SP4: variants seen among roughly 807,000 people sequenced by gnomAD.
SP4 encodes transcription factor Sp4.
SP4 carries 19 observed loss-of-function variants against 72.8 expected under a neutral mutation model. The ratio of observed to expected loss-of-function variants is 0.26; its 90% CI spans 0.18 to 0.38. SP4 has a LOEUF of 0.38. Among genes scored for constraint, SP4 ranks in the 10% least tolerant of loss-of-function variants. The pLI, the probability that SP4 is intolerant of heterozygous loss-of-function variation, is 1.00. For synonymous variants in SP4, 395 were observed against 333.1 expected (o/e 1.19, Z -2.02); for missense variants, 1,008 against 926.3 (o/e 1.09, Z -1.14).
At chr7:21,428,295 CCTCCCTCT>C in intron 1 of SP4, 37 bp downstream of exon 1, 16 of 1,267,924 alleles carry the variant, frequency 1.3e-5, no homozygotes, top group Non-Finnish European at 1.7e-5. Flanking sequence ...TCCTTCGCCG[CCTCCCTCT>C]CTCCCTCCCT....
rs545671767 is a variant in SP4 at position 21,511,845 on chromosome 7, C to T, written c.*576C>T. Reference sequence around the variant, plus strand: ...AGTTCCAAAACAGTAATCTGAGATGCATCTCAGATCTTTATTACCACTACA... The same window carrying T: ...AGTTCCAAAACAGTAATCTGAGATGTATCTCAGATCTTTATTACCACTACA... On this transcript the variant is annotated 3_prime_UTR_variant, in exon 6 of 6. Transcript: ENST00000222584. 6.5e-6 allele frequency: 1 copy of T among 154,200 alleles called. No individual in the cohort carries two copies. The highest frequency in any genetic ancestry group is 1.9e-4 in the East Asian group (1 of 5,186). 9.6% of individuals were successfully genotyped at this position (154,200 alleles called of 1,614,324 possible). A position where few individuals can be genotyped will look rare whatever the true frequency, so the allele number is the denominator to read the frequency against.
At chr7:21,460,909 C>T (rs1397822569) in intron 3 of SP4, among the ~76,000 whole-genome samples, 2 of 151,834 alleles carry the variant, frequency 1.3e-5, no homozygotes, top group Non-Finnish European at 2.9e-5. Context: ...TTGGTGCATT[C>T]ACAATCCCTT....
Position 21,511,043 on chromosome 7 carries a change from C to T in SP4, c.2129C>T (p.Pro710Leu), listed in dbSNP as rs754709044. ...THTGEKRFEC[P>L]ECSKRFMRSD... Reference sequence around the variant, plus strand: ...GTAGGTGAAAAGAGATTTGAATGCCCGGAATGTTCTAAAAGGTTTATGCGG... The same window carrying T: ...GTAGGTGAAAAGAGATTTGAATGCCTGGAATGTTCTAAAAGGTTTATGCGG... The change falls in exon 6 of 6, where the codon CCG becomes CTG. Residue 710 changes from proline (P) to leucine (L), a missense_variant. Physicochemically the swap from Pro to Leu is moderately conservative, Grantham distance 98. Transcript: ENST00000222584. The T allele has an allele frequency of 1.1e-5, 17 of 1,609,202 alleles. No homozygotes were observed. Among genetic ancestry groups the T allele is most frequent in the Non-Finnish European group, 1.3e-5 (15 of 1,176,408 alleles).
Position 21,429,441 on chromosome 7 carries a change from G to T in SP4, c.276G>T (p.Leu92=). 1 of 1,614,150 alleles carries T rather than the reference G, an allele frequency of 6.2e-7. No homozygotes were observed. The highest frequency in any genetic ancestry group is 1.6e-4 in the Middle Eastern group (1 of 6,062). The change falls in exon 3 of 6, where the codon CTG becomes CTT. Residue 92 remains leucine (L), a synonymous_variant. Coordinates refer to ENST00000222584, the MANE Select transcript of SP4 (RefSeq NM_003112.5). ...QLQNQPQQLE[L]VTTQLAGNAW... is the part of the protein sequence containing the mutation. ...AAAATCAACCACAACAGCTAGAACT[G>T]GTAACAACGCAACTTGCTGGAAACG...
intron 4 of SP4, 95 bp from the exon 5 acceptor site, chr7:21,481,829 G>A (rs1033119409): frequency 4.6e-6 from 4 of 864,232 alleles, no homozygotes; most frequent in South Asian, 1.6e-5. Flanking sequence ...ATTCAGAGAA[G>A]CATCATTTAA....
At chr7:21,443,784 A>G (rs1458923600) in intron 3 of SP4, among the ~76,000 whole-genome samples, 1 of 152,234 alleles carries the variant, frequency 6.6e-6, no homozygotes, top group African/African-American at 2.4e-5. Flanking sequence ...GATGACAAGT[A>G]CTAACGGGAT....
chr7:21,472,197 C>A (rs1052057285), intron 3 of SP4, among the ~76,000 whole-genome samples: 1 of 152,100 alleles, frequency 6.6e-6, no homozygotes, highest in Non-Finnish European at 1.5e-5. Flanking sequence ...AGATGAGGTC[C>A]CCCAAGAAGA....
At chr7:21,437,674 T>A (rs1783092232) in intron 3 of SP4, among the ~76,000 whole-genome samples, 1 of 152,172 alleles carries the variant, frequency 6.6e-6, no homozygotes, top group Non-Finnish European at 1.5e-5. Context: ...GATCCTCTCC[T>A]TAAGATGGAG....
chr7:21,431,564 A>C (rs1317210266), intron 3 of SP4, among the ~76,000 whole-genome samples: 4 of 152,242 alleles, frequency 2.6e-5, no homozygotes, highest in Non-Finnish European at 5.9e-5. Flanking sequence ...TTGACAGTAA[A>C]ATGTCACTAA....
At chr7:21,455,392 T>C (rs1783730453) in intron 3 of SP4, among the ~76,000 whole-genome samples, 1 of 152,210 alleles carries the variant, frequency 6.6e-6, no homozygotes, top group African/African-American at 2.4e-5. Context: ...TCCCAGTTTT[T>C]TGAGGATGCA....
chr7:21,471,274 A>T (rs1171758611), intron 3 of SP4: 1 of 358,258 alleles, frequency 2.8e-6, no homozygotes. Context: ...TAGGTCTGCA[A>T]TATGAATATT....
intron 5 of SP4, among the ~76,000 whole-genome samples, chr7:21,486,913 T>A (rs527697494): frequency 6.6e-6 from 1 of 152,146 alleles, no homozygotes; most frequent in Non-Finnish European, 1.5e-5. Flanking sequence ...TTTGGGGGGC[T>A]TTTTTACAAA....
intron 3 of SP4, among the ~76,000 whole-genome samples, chr7:21,434,751 C>T (rs748526576): frequency 5.9e-5 from 9 of 152,128 alleles, no homozygotes; most frequent in Non-Finnish European, 1.2e-4. Flanking sequence ...TTTCCACCCT[C>T]ACCCTGCCCT....
At position 21,449,355 on chromosome 7, in the gene SP4, T is replaced by C. The variant is rs899949209; in HGVS notation, c.1678+18512T>C. 3.9e-5 allele frequency among the ~76,000 whole-genome samples: 6 copies of C among 152,176 alleles called. No homozygotes were observed. In the East Asian group the frequency reaches 5.8e-4, roughly 15 times the overall value. On this transcript the variant is annotated intron_variant, in intron 3 of 5. Transcript: ENST00000222584. ...CCTCTTGGGAACTGTAACAAACTTA[T>C]CTTTTCAGTGGCAATCAATTTTCTA... is the stretch of plus-strand genomic sequence containing the variant.
In SP4 at chr7:21,431,485, A is replaced by G. The variant is rs60717720; in HGVS notation, c.1678+642A>G. ...ATCCTTCATTTATAAAATTATATTT[A>G]ATTAAATCATGGTCATTGTGTGATT... On this transcript the variant is annotated intron_variant, in intron 3 of 5. Transcript: ENST00000222584. Among the ~76,000 whole-genome samples, 19 of 152,336 alleles carry G rather than the reference A, an allele frequency of 1.2e-4. No individual in the cohort carries two copies. The East Asian group carries it at 3.7e-3, about 29-fold the overall frequency.
At chr7:21,482,371 T>C (rs1784711652) in intron 5 of SP4, among the ~76,000 whole-genome samples, 1 of 152,228 alleles carries the variant, frequency 6.6e-6, no homozygotes, top group Non-Finnish European at 1.5e-5. Flanking sequence ...TTTGTTTATA[T>C]TGTAATCTTA....
intron 3 of SP4, among the ~76,000 whole-genome samples, chr7:21,459,182 C>T (rs547114633): frequency 3.3e-5 from 5 of 152,228 alleles, no homozygotes; most frequent in Admixed American, 6.5e-5. Flanking sequence ...TGCAGTGGCG[C>T]GATCTCAGCT....
Position 21,442,103 on chromosome 7 carries a change from A to G in SP4, c.1678+11260A>G, listed in dbSNP as rs145410840. 5.6e-3 allele frequency among the ~76,000 whole-genome samples: 817 copies of G among 146,962 alleles called. 4 individuals are homozygous for G. Among genetic ancestry groups the G allele is most frequent in the African/African-American group, 0.019 (745 of 39,480 alleles). The stretch of plus-strand genomic sequence containing the variant: ...ACCCAGGCTGGAGTGCAGTGCCACA[A>G]TCTCGGCTCGCTGCAGCCTCTGCCT... On this transcript the variant is annotated intron_variant, in intron 3 of 5. Coordinates refer to ENST00000222584, the MANE Select transcript of SP4 (RefSeq NM_003112.5).
chr7:21,462,681 G>A (rs1198980648), intron 3 of SP4, among the ~76,000 whole-genome samples: 1 of 152,234 alleles, frequency 6.6e-6, no homozygotes, highest in African/African-American at 2.4e-5. Context: ...GAGGCAGACA[G>A]TTTTGAGTTT....
Sources: gnomAD v4.1 joint callset for allele counts (sites outside exome capture counted in the v4.1 genomes callset) on GRCh38, gnomAD v4.1.1 for gene constraint, MANE v1.5 for transcripts, NCBI Gene and HGNC (gene_info 2026-07-23, HGNC 2026-07-21) for gene names.